LRRC53: variants seen among roughly 807,000 people sequenced by gnomAD.
The protein encoded by LRRC53 is leucine rich repeat containing 53.
In LRRC53, 25 loss-of-function variants were observed where a neutral mutation model predicts 13.6. The ratio of observed to expected loss-of-function variants is 1.83; its 90% CI spans 1.34 to 2.56. LRRC53 has a LOEUF of 2.56. Ranked by LOEUF, LRRC53 falls within the 30% of genes most tolerant of loss-of-function variation. LRRC53 has a pLI of 0.00. For synonymous variants in LRRC53, 204 were observed against 109.8 expected (o/e 1.86, Z -5.37); for missense variants, 527 against 275.8 (o/e 1.91, Z -6.45).
the LRRC53 span, among the ~76,000 whole-genome samples, chr1:74,518,545 C>T: frequency 4.6e-5 from 7 of 152,220 alleles, no homozygotes; most frequent in African/African-American, 1.7e-4. Context: ...GTTCCCACTG[C>T]TTACAGATCT....
intron 2 of LRRC53, among the ~76,000 whole-genome samples, chr1:74,482,416 C>T (rs750908205): frequency 2.0e-5 from 3 of 152,128 alleles, no homozygotes; most frequent in Non-Finnish European, 2.9e-5. Flanking sequence ...GTAGTGAAGT[C>T]AAGAAATCCA....
At chr1:74,521,625 A>T in the LRRC53 span, among the ~76,000 whole-genome samples, 1 of 152,182 alleles carries the variant, frequency 6.6e-6, no homozygotes, top group African/African-American at 2.4e-5. Context: ...ATTGGTAAAG[A>T]CGCACTATAT....
the LRRC53 span, among the ~76,000 whole-genome samples, chr1:74,518,757 T>A: frequency 1.7e-4 from 26 of 152,226 alleles, no homozygotes; most frequent in African/African-American, 6.3e-4. Context: ...TTTCCATAAG[T>A]AAAGGGTGTG....
intron 1 of LRRC53, among the ~76,000 whole-genome samples, chr1:74,495,476 G>C (rs1226390835): frequency 6.6e-6 from 1 of 152,072 alleles, no homozygotes; most frequent in African/African-American, 2.4e-5. Flanking sequence ...CAATAAACAG[G>C]AATTATTTTT....
At chr1:74,493,570 G>A (rs959444811) in intron 1 of LRRC53, among the ~76,000 whole-genome samples, 7 of 152,060 alleles carry the variant, frequency 4.6e-5, no homozygotes, top group South Asian at 2.1e-4. Flanking sequence ...TAATAATTCC[G>A]TATAATAACC....
the LRRC53 span, among the ~76,000 whole-genome samples, chr1:74,518,873 C>CTTTTTTTTT: frequency 2.0e-4 from 20 of 100,332 alleles, 1 homozygote; most frequent in South Asian, 3.4e-4. Context: ...TTTTTTTTCC[C>CTTTTTTTTT]CTTTTTTTTT....
intron 1 of LRRC53, among the ~76,000 whole-genome samples, chr1:74,484,437 A>G (rs1668652496): frequency 6.6e-6 from 1 of 152,222 alleles, no homozygotes; most frequent in Non-Finnish European, 1.5e-5. Context: ...TTTCTATAAA[A>G]GGATATAAAC....
intron 2 of LRRC53, among the ~76,000 whole-genome samples, chr1:74,482,592 T>C (rs1570680980): frequency 6.6e-6 from 1 of 152,190 alleles, no homozygotes; most frequent in African/African-American, 2.4e-5. Flanking sequence ...AATTATCCTC[T>C]TCCACTCTGT....
chr1:74,496,616 T>C (rs1234950402), intron 1 of LRRC53, among the ~76,000 whole-genome samples: 1 of 152,182 alleles, frequency 6.6e-6, no homozygotes, highest in African/African-American at 2.4e-5. Flanking sequence ...TTCTAATTAT[T>C]ATTATTCTTT....
intron 1 of LRRC53, among the ~76,000 whole-genome samples, chr1:74,493,025 C>A (rs1669156069): frequency 6.6e-6 from 1 of 152,094 alleles, no homozygotes; most frequent in African/African-American, 2.4e-5. Flanking sequence ...TCTACTGGAT[C>A]AGGGCTTTAC....
At chr1:74,498,768 T>G (rs188813509) in intron 1 of LRRC53, among the ~76,000 whole-genome samples, 2 of 152,168 alleles carry the variant, frequency 1.3e-5, no homozygotes, top group Non-Finnish European at 2.9e-5. Context: ...TATATTTCTT[T>G]TTTAATTACT....
At chr1:74,492,726 T>C (rs1202862373) in intron 1 of LRRC53, among the ~76,000 whole-genome samples, 1 of 152,204 alleles carries the variant, frequency 6.6e-6, no homozygotes, top group Non-Finnish European at 1.5e-5. Flanking sequence ...CAAATGTTTA[T>C]AGAGCAATAT....
At chr1:74,492,370 G>A in intron 1 of LRRC53, 3 of 1,302,686 alleles carry the variant, frequency 2.3e-6, no homozygotes, top group Non-Finnish European at 3.0e-6. Flanking sequence ...ATTACCCCCT[G>A]AAAAACTTTG....
chr1:74,508,869 AC>A (rs1290237969), intron 1 of LRRC53, among the ~76,000 whole-genome samples: 2 of 152,154 alleles, frequency 1.3e-5, no homozygotes, highest in African/African-American at 4.8e-5. Flanking sequence ...TAAAATAGGG[AC>A]CATAATATTA....
the LRRC53 span, among the ~76,000 whole-genome samples, chr1:74,536,304 C>A: frequency 6.6e-6 from 1 of 152,154 alleles, no homozygotes; most frequent in Non-Finnish European, 1.5e-5. Flanking sequence ...TTTGTTCTGA[C>A]AAGCCATGGC....
intron 1 of LRRC53, among the ~76,000 whole-genome samples, chr1:74,500,872 C>G (rs1669589972): frequency 6.6e-6 from 1 of 151,818 alleles, no homozygotes; most frequent in Non-Finnish European, 1.5e-5. Flanking sequence ...TTTTAATCTG[C>G]CTTTTAAAAC....
At chr1:74,481,871 A>T (rs1265219732) in intron 2 of LRRC53, among the ~76,000 whole-genome samples, 6 of 152,204 alleles carry the variant, frequency 3.9e-5, no homozygotes, top group Non-Finnish European at 8.8e-5. Context: ...TCTATAGGTG[A>T]TATTAGAATA....
intron 1 of LRRC53, chr1:74,489,397 G>A (rs1057479547): frequency 5.2e-6 from 4 of 764,202 alleles, no homozygotes; most frequent in Non-Finnish European, 7.9e-6. Flanking sequence ...AATTCCTATG[G>A]TGGAGCAGAA....
intron 1 of LRRC53, among the ~76,000 whole-genome samples, chr1:74,510,741 A>T (rs1377376706): frequency 6.6e-6 from 1 of 152,184 alleles, no homozygotes; most frequent in Admixed American, 6.5e-5. Flanking sequence ...TAGCATTGAA[A>T]AGTTCATGGA....
Sources: gnomAD v4.1 joint callset for allele counts (sites outside exome capture counted in the v4.1 genomes callset) on GRCh38, gnomAD v4.1.1 for gene constraint, MANE v1.5 for transcripts, NCBI Gene and HGNC (gene_info 2026-07-23, HGNC 2026-07-21) for gene names.